VAC14: variants seen among roughly 807,000 people sequenced by gnomAD.
The protein encoded by VAC14 is protein VAC14 homolog.
VAC14 carries 47 observed loss-of-function variants against 85.3 expected under a neutral mutation model. The ratio of observed to expected loss-of-function variants is 0.55; its 90% CI spans 0.44 to 0.70. The LOEUF (loss-of-function observed/expected upper bound fraction) is 0.70, where lower values mean the gene tolerates loss of function less well. VAC14 is among the 30% of genes least tolerant of loss of function. VAC14 has a pLI of 0.00. For missense variants in VAC14, 861 were observed against 1,004.3 expected (o/e 0.86, Z 1.93); for synonymous variants, 447 against 430.5 (o/e 1.04, Z -0.47).
At chr16:70,720,477 G>A (rs539669294) in intron 14 of VAC14, among the ~76,000 whole-genome samples, 8 of 152,178 alleles carry the variant, frequency 5.3e-5, no homozygotes, top group Admixed American at 1.3e-4. Flanking sequence ...AACGCTTCCC[G>A]GGGAGACGGC....
Position 70,762,100 on chromosome 16 carries a change from GT to G in VAC14, c.1371+439del, listed in dbSNP as rs1555523464. Among the ~76,000 whole-genome samples the G allele has an allele frequency of 3.2e-3, 336 of 104,076 alleles. 3 individuals carry two copies. Among genetic ancestry groups the G allele is most frequent in the Non-Finnish European group, 1.7e-3 (93 of 54,256 alleles). The allele number at this position is 104,076 out of a possible 152,430, so 68.3% of individuals were successfully genotyped here. ...AGAAGAGTCCTCACTCCTAAAGTGA[GT>G]TTTTTTTTTTGTTTTTGTTTTTTTG... is the stretch of plus-strand genomic sequence containing the variant. On this transcript the variant is annotated intron_variant, in intron 12 of 18. Transcript: ENST00000261776. This position sits in a 1 kb window ranked among gnomAD's most constrained non-coding sequence, Gnocchi z 4.1.
At chr16:70,777,183 G>A (rs548571315) in intron 9 of VAC14, among the ~76,000 whole-genome samples, 2 of 152,184 alleles carry the variant, frequency 1.3e-5, no homozygotes, top group South Asian at 2.1e-4. Context: ...GACCTCAAAT[G>A]ATCCGCCTGC....
In VAC14 at chr16:70,786,321, T is replaced by C. The variant is rs201658561; in HGVS notation, c.149A>G (p.Lys50Arg). 6.2e-7 allele frequency: 1 copy of C among 1,614,228 alleles called. No homozygotes were observed. The highest frequency in any genetic ancestry group is 8.5e-7 in the Non-Finnish European group (1 of 1,180,038). Residue 50 changes from lysine (K) to arginine (R), a missense_variant, in exon 2 of 19, where the codon AAG (lysine) becomes AGG (arginine). Physicochemically the swap from Lys to Arg is conservative, Grantham distance 26. Coordinates refer to ENST00000261776, the MANE Select transcript of VAC14 (RefSeq NM_018052.5). ...CTGGGACAGGGTCTGGATCACATGC[T>C]TGATTTGCACGGTATTGTTCTGGGC... Reference protein sequence around the residue: ...FVAQNNTVQIKHVIQTLSQEF... With the variant: ...FVAQNNTVQIRHVIQTLSQEF...
intron 14 of VAC14, among the ~76,000 whole-genome samples, chr16:70,712,059 C>T (rs2054046222): frequency 6.6e-6 from 1 of 152,064 alleles, no homozygotes; most frequent in Non-Finnish European, 1.5e-5. Flanking sequence ...GGGAGGGGTT[C>T]TCCTATTTGT....
intron 12 of VAC14, among the ~76,000 whole-genome samples, chr16:70,759,784 A>C (rs1025437923): frequency 6.6e-6 from 1 of 152,138 alleles, no homozygotes; most frequent in African/African-American, 2.4e-5. Flanking sequence ...ACCACACACA[A>C]GCTCGCCTCC....
At chr16:70,786,151 C>T (rs763555551) in intron 2 of VAC14, 64 bp downstream of exon 2, 152 of 1,577,914 alleles carry the variant, frequency 9.6e-5, no homozygotes, top group Non-Finnish European at 1.2e-4. Context: ...GGGAAGGCAT[C>T]GGGATGGCTT....
chr16:70,741,007 G>T (rs1477820023), intron 13 of VAC14, among the ~76,000 whole-genome samples: 1 of 152,268 alleles, frequency 6.6e-6, no homozygotes, highest in Non-Finnish European at 1.5e-5. Flanking sequence ...GCACCATGTG[G>T]TTCCCTACAG....
intron 15 of VAC14, among the ~76,000 whole-genome samples, chr16:70,698,058 G>A (rs2053749874): frequency 6.6e-6 from 1 of 152,210 alleles, no homozygotes. Context: ...GAGTGAGTGA[G>A]TGTCCTTTCT....
At chr16:70,772,083 CCTT>C (rs1273181610) in intron 10 of VAC14, 23 bp downstream of exon 10, 14 of 1,612,460 alleles carry the variant, frequency 8.7e-6, no homozygotes, top group Non-Finnish European at 1.2e-5. Context: ...TTTCCACAAA[CCTT>C]CTGGCTGAAA....
Position 70,784,230 on chromosome 16 carries a change from A to C in VAC14, c.487-10T>G, listed in dbSNP as rs751792817. ...TCTCAGTCACAATGTCCTGTGGATC[A>C]GAGGAAAGTGAGCTGCCGAGAGCCC... On this transcript the variant is annotated splice_polypyrimidine_tract_variant and intron_variant, in intron 4 of 18. Transcript: ENST00000261776. The C allele has an allele frequency of 1.9e-6, 3 of 1,612,708 alleles. No homozygotes were observed. The highest frequency in any genetic ancestry group is 1.3e-5 in the African/African-American group (1 of 75,026).
At chr16:70,791,381 TC>T (rs754555997) in intron 1 of VAC14, among the ~76,000 whole-genome samples, 15 of 152,284 alleles carry the variant, frequency 9.9e-5, no homozygotes, top group Middle Eastern at 3.4e-3. Context: ...GATTCCTACC[TC>T]CACAACTTTT....
At chr16:70,718,068 T>C (rs776877710) in intron 14 of VAC14, among the ~76,000 whole-genome samples, 8 of 152,236 alleles carry the variant, frequency 5.3e-5, no homozygotes, top group African/African-American at 1.4e-4. Flanking sequence ...GAGGGAGCAG[T>C]TGGGCCAAGC....
At position 70,784,104 on chromosome 16, in the gene VAC14, A is replaced by T. The variant is rs752810148; in HGVS notation, c.594+9T>A. The T allele has an allele frequency of 6.2e-7, 1 of 1,612,376 alleles. No homozygotes were observed. Among genetic ancestry groups the T allele is most frequent in the South Asian group, 1.1e-5 (1 of 91,046 alleles). ...GAGGCTGGAGAAACGGTGTCCGGCC[A>T]GGCCTTACCCAGGAGATGATGAACT... On this transcript the variant is annotated intron_variant, in intron 5 of 18. Transcript: ENST00000261776.
chr16:70,765,670 G>C (rs1222089164), intron 10 of VAC14, among the ~76,000 whole-genome samples: 2 of 152,164 alleles, frequency 1.3e-5, no homozygotes, highest in Non-Finnish European at 2.9e-5. Flanking sequence ...ACAGCCTCCT[G>C]ACCAGGGCAG....
intron 1 of VAC14, among the ~76,000 whole-genome samples, chr16:70,791,889 T>C (rs1196274770): frequency 2.0e-5 from 3 of 152,112 alleles, no homozygotes; most frequent in Non-Finnish European, 4.4e-5. Context: ...GGGAGTGCTT[T>C]GCAAACCCAA....
chr16:70,786,447 G>A (rs1598013222), intron 1 of VAC14, 82 bp from the exon 2 acceptor site: 8 of 1,546,608 alleles, frequency 5.2e-6, no homozygotes, highest in African/African-American at 1.4e-5. Flanking sequence ...AATGAGGAAG[G>A]GAGATGACCT....
intron 10 of VAC14, chr16:70,769,670 C>G (rs560542889): frequency 6.6e-6 from 1 of 152,340 alleles, no homozygotes; most frequent in Non-Finnish European, 1.5e-5. Flanking sequence ...AACCAAAACC[C>G]TCGTCCAGTC....
intron 14 of VAC14, among the ~76,000 whole-genome samples, chr16:70,700,875 C>T (rs960844714): frequency 1.3e-5 from 2 of 152,314 alleles, no homozygotes; most frequent in African/African-American, 4.8e-5. Context: ...TGAGCCGCTG[C>T]CAGGCAGCGC....
At chr16:70,717,342 G>T (rs568408521) in intron 14 of VAC14, among the ~76,000 whole-genome samples, 1 of 152,354 alleles carries the variant, frequency 6.6e-6, no homozygotes, top group East Asian at 1.9e-4. Context: ...CAGCTGTGGC[G>T]GGGGAGAGGA....
Sources: gnomAD v4.1 joint callset for allele counts (sites outside exome capture counted in the v4.1 genomes callset) on GRCh38, gnomAD v4.1.1 for gene constraint, Gnocchi (gnomAD v3.1) non-coding constraint, MANE v1.5 for transcripts, NCBI Gene and HGNC (gene_info 2026-07-23, HGNC 2026-07-21) for gene names.